The following PDZRN4 variants were observed in gnomAD, a reference collection of about 807,000 sequenced individuals.
PDZRN4 encodes PDZ domain-containing RING finger protein 4.
In PDZRN4, 70 loss-of-function variants were observed where a neutral mutation model predicts 99.0. The observed-to-expected ratio is 0.71, with a 90% CI of 0.58 to 0.86. The LOEUF (loss-of-function observed/expected upper bound fraction) is 0.86, where lower values mean the gene tolerates loss of function less well. Ranked by LOEUF, PDZRN4 falls within the 40% of genes least tolerant of loss-of-function variation. The pLI is 0.00. For synonymous variants in PDZRN4, 551 were observed against 501.6 expected (o/e 1.10, Z -1.32); for missense variants, 1,474 against 1,331.2 (o/e 1.11, Z -1.67).
Position 41,572,826 on chromosome 12 carries a change from A to G in PDZRN4, c.2047A>G (p.Ile683Val), listed in dbSNP as rs751570104. 1.2e-6 allele frequency: 2 copies of G among 1,614,168 alleles called. No homozygotes were observed. The highest frequency in any genetic ancestry group is 2.2e-5 in the East Asian group (1 of 44,880). ...AAACATTGAGCTTGAGTGTCAGAAT[A>G]TCATGCAGGCTCACAGGCTCCAGAA... Reference protein sequence around the residue: ...LRNIELECQNIMQAHRLQKVT... With the variant: ...LRNIELECQNVMQAHRLQKVT... Residue 683 changes from isoleucine (I) to valine (V), a missense_variant, in exon 10 of 10, where the codon ATC (isoleucine) becomes GTC (valine). By Grantham distance (29) the Ile-to-Val change is conservative. Coordinates refer to ENST00000402685, the MANE Select transcript of PDZRN4 (RefSeq NM_001164595.2).
chr12:41,188,822 G>T lies in PDZRN4; in HGVS notation c.367G>T (p.Gly123Cys). 3 of 1,323,718 alleles carry T rather than the reference G, an allele frequency of 2.3e-6. No individual in the cohort carries two copies. The highest frequency in any genetic ancestry group is 2.9e-6 in the Non-Finnish European group (3 of 1,041,788). 82.0% of individuals were successfully genotyped at this position (1,323,718 alleles called of 1,614,324 possible). ...CCGCGGGGGCTGCGCTTCGGGGCTG[G>T]GCGGTGGTGAGGTGCCCGCGCGGGG... ...RSRGGCASGL[G>C]GGEVPARGGC... The change falls in exon 1 of 10, where the codon GGC (glycine) becomes TGC (cysteine). Residue 123 changes from glycine (G) to cysteine (C), a missense_variant. By Grantham distance (159) the Gly-to-Cys change is radical (BLOSUM62 -3). Transcript: ENST00000402685.
chr12:41,507,186 G>A (rs939371060), intron 4 of PDZRN4, among the ~76,000 whole-genome samples: 1 of 152,014 alleles, frequency 6.6e-6, no homozygotes. Context: ...TAATTAAAGT[G>A]CAATTCTCTG....
At chr12:41,538,022 T>C (rs1191067043) in intron 5 of PDZRN4, among the ~76,000 whole-genome samples, 2 of 152,142 alleles carry the variant, frequency 1.3e-5, no homozygotes, top group Non-Finnish European at 2.9e-5. Context: ...AATTAATATT[T>C]TCCAGTAAAC....
At chr12:41,268,747 TA>T (rs1297059166) in intron 3 of PDZRN4, among the ~76,000 whole-genome samples, 2 of 152,190 alleles carry the variant, frequency 1.3e-5, no homozygotes, top group African/African-American at 4.8e-5. Flanking sequence ...CTCCATTTTT[TA>T]GCAATGTTAA....
At position 41,436,600 on chromosome 12, in the gene PDZRN4, A is replaced by C. The variant is rs894759114; in HGVS notation, c.844-69856A>C. Reference sequence around the variant, plus strand: ...TAAAGATGTGCTGGAACAAGGACATACTTCTTAATTAGCAGAGGGTGTGGA... The same window carrying C: ...TAAAGATGTGCTGGAACAAGGACATCCTTCTTAATTAGCAGAGGGTGTGGA... On this transcript the variant is annotated intron_variant, in intron 3 of 9. Coordinates refer to ENST00000402685, the MANE Select transcript of PDZRN4 (RefSeq NM_001164595.2). Among the ~76,000 whole-genome samples, 5 of 152,198 alleles carry C rather than the reference A, an allele frequency of 3.3e-5. No homozygotes were observed. The East Asian group carries it at 9.6e-4, about 29-fold the overall frequency.
At chr12:41,264,482 T>C (rs887180953) in intron 3 of PDZRN4, among the ~76,000 whole-genome samples, 2 of 152,176 alleles carry the variant, frequency 1.3e-5, no homozygotes, top group African/African-American at 4.8e-5. Flanking sequence ...AATATAATAT[T>C]GCTCTGAAGC....
intron 7 of PDZRN4, 125 bp from the exon 8 acceptor site, chr12:41,563,423 A>C: frequency 1.5e-6 from 1 of 686,654 alleles, no homozygotes; most frequent in Non-Finnish European, 2.5e-6. Flanking sequence ...TGAGGGGCTG[A>C]AGATGAGCCC....
chr12:41,227,914 CACA>C (rs1555217776), intron 3 of PDZRN4, among the ~76,000 whole-genome samples: 45 of 143,858 alleles, frequency 3.1e-4, no homozygotes, highest in Non-Finnish European at 5.5e-4. Context: ...CACACACACA[CACA>C]CACCAGAAGG....
chr12:41,551,686 C>A (rs1022912247), intron 5 of PDZRN4, among the ~76,000 whole-genome samples: 1 of 152,160 alleles, frequency 6.6e-6, no homozygotes, highest in Non-Finnish European at 1.5e-5. Flanking sequence ...ATCCAGACTT[C>A]ACTTCTAATT....
chr12:41,482,277 A>C (rs965377589), intron 3 of PDZRN4, among the ~76,000 whole-genome samples: 4 of 152,202 alleles, frequency 2.6e-5, no homozygotes, highest in Non-Finnish European at 4.4e-5. Flanking sequence ...AAAATCCTAG[A>C]TATGCCTCAG....
chr12:41,227,455 A>G (rs1415731765), intron 3 of PDZRN4, among the ~76,000 whole-genome samples: 2 of 152,122 alleles, frequency 1.3e-5, no homozygotes, highest in Non-Finnish European at 2.9e-5. Flanking sequence ...ACTTGAGCCC[A>G]GGAGTTCAAA....
In PDZRN4 at chr12:41,457,903, A is replaced by G. The variant is rs566733492; in HGVS notation, c.844-48553A>G. Reference sequence around the variant, plus strand: ...AGGCTCCAGAGGTGTGTAAGACAGGATCTTGACCCTGTAGGGGCTTTATGT... The same window carrying G: ...AGGCTCCAGAGGTGTGTAAGACAGGGTCTTGACCCTGTAGGGGCTTTATGT... On this transcript the variant is annotated intron_variant, in intron 3 of 9. Coordinates refer to ENST00000402685, the MANE Select transcript of PDZRN4 (RefSeq NM_001164595.2). Among the ~76,000 whole-genome samples the G allele has an allele frequency of 3.3e-4, 51 of 152,260 alleles. 1 individual carries two copies. Among genetic ancestry groups the G allele is most frequent in the African/African-American group, 1.2e-3 (48 of 41,552 alleles).
At chr12:41,372,456 C>G (rs1171333389) in intron 3 of PDZRN4, among the ~76,000 whole-genome samples, 1 of 152,040 alleles carries the variant, frequency 6.6e-6, no homozygotes, top group Non-Finnish European at 1.5e-5. Context: ...GAACACAGTT[C>G]AATGTCAAAG....
intron 3 of PDZRN4, among the ~76,000 whole-genome samples, chr12:41,343,602 A>G (rs1951832351): frequency 7.8e-6 from 1 of 128,322 alleles, no homozygotes; most frequent in South Asian, 2.5e-4. Context: ...GGAGGGGAGG[A>G]TAGAGAGAGT....
At chr12:41,220,791 T>C (rs1706017154) in intron 3 of PDZRN4, among the ~76,000 whole-genome samples, 1 of 152,186 alleles carries the variant, frequency 6.6e-6, no homozygotes, top group African/African-American at 2.4e-5. Context: ...AGATCCATAA[T>C]AATGAGGTCT....
intron 3 of PDZRN4, among the ~76,000 whole-genome samples, chr12:41,194,456 G>C (rs1010484817): frequency 6.6e-6 from 1 of 152,072 alleles, no homozygotes; most frequent in Non-Finnish European, 1.5e-5. Context: ...GCAACATTGT[G>C]AGACTTCATC....
intron 3 of PDZRN4, among the ~76,000 whole-genome samples, chr12:41,462,382 GT>G (rs1952880978): frequency 2.6e-5 from 4 of 152,136 alleles, no homozygotes; most frequent in African/African-American, 9.7e-5. Flanking sequence ...CCTTCATTAA[GT>G]TTTCATTATG....
chr12:41,247,847 CT>C (rs1184278274), intron 3 of PDZRN4, among the ~76,000 whole-genome samples: 4 of 152,124 alleles, frequency 2.6e-5, no homozygotes, highest in African/African-American at 9.7e-5. Context: ...AAGATCTATG[CT>C]CAAACTAAGA....
intron 3 of PDZRN4, among the ~76,000 whole-genome samples, chr12:41,380,951 C>G (rs988993229): frequency 2.0e-5 from 3 of 152,066 alleles, no homozygotes; most frequent in Admixed American, 2.0e-4. Flanking sequence ...TTTAGAAAAG[C>G]CTTTATCTCT....
Sources: gnomAD v4.1 joint callset for allele counts (sites outside exome capture counted in the v4.1 genomes callset) on GRCh38, gnomAD v4.1.1 for gene constraint, MANE v1.5 for transcripts, NCBI Gene and HGNC (gene_info 2026-07-23, HGNC 2026-07-21) for gene names.